OTUD6B: variants seen among roughly 807,000 people sequenced by gnomAD.
The protein encoded by OTUD6B is OTU deubiquitinase 6B.
OTUD6B carries 41 observed loss-of-function variants against 36.9 expected under a neutral mutation model. That is an observed-to-expected ratio of 1.11 (90% CI 0.87 to 1.44). OTUD6B has a LOEUF of 1.44. OTUD6B is among the 40% of genes most tolerant of loss of function. The pLI, the probability that OTUD6B is intolerant of heterozygous loss-of-function variation, is 0.00. For missense variants in OTUD6B, 356 were observed against 344.8 expected (o/e 1.03, Z -0.26); for synonymous variants, 114 against 114.2 (o/e 1.00, Z 0.01).
intron 1 of OTUD6B, 59 bp downstream of exon 1, chr8:91,070,525 C>G (rs3808378): frequency 1.7e-4 from 251 of 1,509,244 alleles, no homozygotes; most frequent in Non-Finnish European, 2.2e-4. Context: ...GGGCGCGTGG[C>G]GGGTCGATTC....
chr8:91,083,455 C>T (rs899132711), intron 5 of OTUD6B, among the ~76,000 whole-genome samples: 1 of 152,082 alleles, frequency 6.6e-6, no homozygotes, highest in Non-Finnish European at 1.5e-5. Flanking sequence ...AGCTTTTGTG[C>T]AGGCAGGGCT....
chr8:91,075,422 A>G (rs999939206), intron 3 of OTUD6B, among the ~76,000 whole-genome samples: 1 of 152,048 alleles, frequency 6.6e-6, no homozygotes, highest in Non-Finnish European at 1.5e-5. Flanking sequence ...ATAATAGCCT[A>G]TTTAATTCTG....
chr8:91,076,450 G>C, intron 3 of OTUD6B: 3 of 1,416,510 alleles, frequency 2.1e-6, no homozygotes, highest in Non-Finnish European at 2.8e-6. Flanking sequence ...AAGCATGAAG[G>C]GAAAAAAATG....
At position 91,086,676 on chromosome 8, in the gene OTUD6B, G is replaced by A. The variant is rs1308191944; in HGVS notation, c.*1808G>A. On this transcript the variant is annotated 3_prime_UTR_variant, in exon 7 of 7. Coordinates refer to ENST00000404789, the MANE Select transcript of OTUD6B (RefSeq NM_016023.5). ...AGATTTAGAATCTTTTTGGTTATAT[G>A]TCTATTTTTCAATTTTGTTATATTT... 6.6e-6 allele frequency: 1 copy of A among 151,792 alleles called. No individual in the cohort carries two copies. Among genetic ancestry groups the A allele is most frequent in the Admixed American group, 6.6e-5 (1 of 15,230 alleles). 9.4% of individuals were successfully genotyped at this position (151,792 alleles called of 1,614,324 possible). A position where few individuals can be genotyped will look rare whatever the true frequency, so the allele number is the denominator to read the frequency against.
chr8:91,083,764 C>G (rs1416371039), intron 5 of OTUD6B: 1 of 159,604 alleles, frequency 6.3e-6, no homozygotes, highest in Non-Finnish European at 1.3e-5. Flanking sequence ...TGCAAATACT[C>G]CCAAATCTGA....
intron 3 of OTUD6B, among the ~76,000 whole-genome samples, chr8:91,074,659 TG>T (rs1198305736): frequency 6.6e-6 from 1 of 152,110 alleles, no homozygotes; most frequent in African/African-American, 2.4e-5. Flanking sequence ...TAAGTCCCTT[TG>T]AATTTGAAAA....
intron 3 of OTUD6B, among the ~76,000 whole-genome samples, chr8:91,074,171 A>T (rs1034646228): frequency 1.5e-4 from 23 of 152,302 alleles, no homozygotes; most frequent in Middle Eastern, 3.4e-3. Context: ...GAAGAAAATG[A>T]TCCTAAGATA....
chr8:91,087,046 A>G lies in OTUD6B; in HGVS notation c.*2178A>G, dbSNP rs919169319. On this transcript the variant is annotated 3_prime_UTR_variant, in exon 7 of 7. Transcript: ENST00000404789. ...GTGAACGCATAGTTTTGCTTATATT[A>G]TGTGATGTTTGCCAAAAAAAGAATA... 1.3e-5 allele frequency: 2 copies of G among 151,990 alleles called. No homozygotes were observed. Among genetic ancestry groups the G allele is most frequent in the African/African-American group, 4.8e-5 (2 of 41,404 alleles). 9.4% of individuals were successfully genotyped at this position (151,990 alleles called of 1,614,324 possible).
intron 3 of OTUD6B, chr8:91,076,704 AG>A: frequency 8.1e-7 from 1 of 1,234,572 alleles, no homozygotes. Flanking sequence ...GAGGAAAATG[AG>A]GGGTTTTGGA....
rs1435365686 is a variant in OTUD6B at position 91,070,480 on chromosome 8, A to G, written c.82+14A>G. 1 of 1,556,930 alleles carries G rather than the reference A, an allele frequency of 6.4e-7. No individual in the cohort carries two copies. Among genetic ancestry groups the G allele is most frequent in the Non-Finnish European group, 8.7e-7 (1 of 1,150,172 alleles). Reference sequence around the variant, plus strand: ...AGGAGTTGCAAGGTGAGGCGGAAGGAAGTGGGAATCTGGAAGCCGCCGCGA... The same window carrying G: ...AGGAGTTGCAAGGTGAGGCGGAAGGGAGTGGGAATCTGGAAGCCGCCGCGA... On this transcript the variant is annotated intron_variant, in intron 1 of 6. Coordinates refer to ENST00000404789, the MANE Select transcript of OTUD6B (RefSeq NM_016023.5).
At chr8:91,077,997 T>TAAA (rs2130435596) in intron 3 of OTUD6B, among the ~76,000 whole-genome samples, 1 of 152,194 alleles carries the variant, frequency 6.6e-6, no homozygotes, top group South Asian at 2.1e-4. Context: ...GCCTGGGCTT[T>TAAA]AATATAATAA....
At chr8:91,083,762 C>A in intron 5 of OTUD6B, 1 of 157,730 alleles carries the variant, frequency 6.3e-6, no homozygotes, top group Non-Finnish European at 1.4e-5. Flanking sequence ...TATGCAAATA[C>A]TCCCAAATCT....
At chr8:91,078,898 T>C (rs529032913) in intron 4 of OTUD6B, 1 of 354,186 alleles carries the variant, frequency 2.8e-6, no homozygotes. Context: ...ATGCTAATCA[T>C]TTTATGTAAG....
intron 2 of OTUD6B, among the ~76,000 whole-genome samples, chr8:91,072,261 A>T (rs73301750): frequency 0.031 from 4,679 of 152,296 alleles, 227 homozygotes; most frequent in African/African-American, 0.11. Context: ...CAAGTGGGAA[A>T]CAGGGTTAGA....
At chr8:91,083,746 G>A (rs908351175) in intron 5 of OTUD6B, 5 of 152,998 alleles carry the variant, frequency 3.3e-5, no homozygotes, top group African/African-American at 9.7e-5. Context: ...GATATCTCAT[G>A]TAGTATATGC....
intron 3 of OTUD6B, among the ~76,000 whole-genome samples, chr8:91,077,578 T>C (rs1364423096): frequency 2.6e-5 from 4 of 151,970 alleles, no homozygotes; most frequent in African/African-American, 9.7e-5. Flanking sequence ...ATGTCACAAA[T>C]CTCTCATTTC....
rs1812990502 is a variant in OTUD6B, at chr8:91,085,147, C to T, written c.*279C>T. 5.2e-6 allele frequency: 1 copy of T among 191,884 alleles called. No homozygotes were observed. The highest frequency in any genetic ancestry group is 1.1e-5 in the Non-Finnish European group (1 of 94,822). 11.9% of individuals were successfully genotyped at this position (191,884 alleles called of 1,614,324 possible). ...CTGATATTTTCATTTATGTAAGATC[C>T]TGGACATTCTGTTTTGTGTTGGAAC... On this transcript the variant is annotated 3_prime_UTR_variant, in exon 7 of 7. Transcript: ENST00000404789.
chr8:91,082,745 CTTTTTTT>C (rs369648071), intron 5 of OTUD6B, among the ~76,000 whole-genome samples: 33 of 111,870 alleles, frequency 2.9e-4, no homozygotes, highest in African/African-American at 9.7e-4. Flanking sequence ...GGTCATATGT[CTTTTTTT>C]TTTTTTTTTT....
chr8:91,075,018 T>C (rs1455096370), intron 3 of OTUD6B, among the ~76,000 whole-genome samples: 1 of 152,066 alleles, frequency 6.6e-6, no homozygotes, highest in East Asian at 1.9e-4. Flanking sequence ...ATAGTATTGT[T>C]TCTATATTAA....
Sources: allele counts gnomAD v4.1 joint callset (sites outside exome capture counted in the v4.1 genomes callset), GRCh38; gene constraint gnomAD v4.1.1; transcripts MANE v1.5; gene names NCBI Gene and HGNC (gene_info 2026-07-23, HGNC 2026-07-21).